Variants in NECAB2 observed in about 807,000 individuals in gnomAD.
The protein encoded by NECAB2 is N-terminal EF-hand calcium binding protein 2.
NECAB2 carries 68 observed loss-of-function variants against 51.9 expected under a neutral mutation model. The observed-to-expected ratio is 1.31, with a 90% CI of 1.08 to 1.60. The LOEUF (loss-of-function observed/expected upper bound fraction) is 1.60. Ranked by LOEUF, NECAB2 falls within the 40% of genes most tolerant of loss-of-function variation. The probability of loss-of-function intolerance (pLI) is 0.00; values close to 1 mark genes in which losing one functional copy is unlikely to be tolerated. For missense variants in NECAB2, 854 were observed against 490.3 expected (o/e 1.74, Z -7.00); for synonymous variants, 329 against 203.5 (o/e 1.62, Z -5.25).
intron 9 of NECAB2, 26 bp from the exon 10 acceptor site, chr16:83,998,177 CCA>C (rs752924743): frequency 6.3e-7 from 1 of 1,597,828 alleles, no homozygotes; most frequent in Non-Finnish European, 8.5e-7. Context: ...ACGTGGAGCC[CCA>C]CACTGACTCC....
chr16:83,972,921 A>G (rs1441624915), intron 2 of NECAB2, among the ~76,000 whole-genome samples: 1 of 152,188 alleles, frequency 6.6e-6, no homozygotes, highest in African/African-American at 2.4e-5. Context: ...CAGAATCATT[A>G]TTACAGTTGC....
chr16:83,974,948 G>A (rs955807590), intron 2 of NECAB2, among the ~76,000 whole-genome samples: 3 of 142,734 alleles, frequency 2.1e-5, no homozygotes, highest in Non-Finnish European at 3.0e-5. Context: ...GCAGGGAGGT[G>A]TGGGTGCAGG....
At chr16:83,977,346 C>A (rs1176348194) in intron 2 of NECAB2, among the ~76,000 whole-genome samples, 1 of 152,084 alleles carries the variant, frequency 6.6e-6, no homozygotes, top group Non-Finnish European at 1.5e-5. Flanking sequence ...AGCTTGCTGG[C>A]ATTTGCTCAG....
chr16:83,972,496 G>C (rs777908355), intron 2 of NECAB2, among the ~76,000 whole-genome samples: 2 of 152,244 alleles, frequency 1.3e-5, no homozygotes, highest in Non-Finnish European at 2.9e-5. Context: ...GGCTGGACCA[G>C]AGGAGCCCGG....
In NECAB2 at chr16:83,976,057, C is replaced by T. The variant is rs149100018; in HGVS notation, c.227-2387C>T. ...GGGCACCTTGCTGGTCTCTGGCTGC[C>T]TGCTCTCCCTGTGTGCAGAGGGGGC... On this transcript the variant is annotated intron_variant, in intron 2 of 12. Coordinates refer to ENST00000305202, the MANE Select transcript of NECAB2 (RefSeq NM_019065.3). Among the ~76,000 whole-genome samples, 1,245 of 152,286 alleles carry T rather than the reference C, an allele frequency of 8.2e-3. 8 individuals are homozygous for T. The highest frequency in any genetic ancestry group is 0.013 in the Non-Finnish European group (906 of 68,012).
chr16:83,998,462 C>T (rs1334905367), intron 10 of NECAB2, 145 bp downstream of exon 10: 44 of 738,660 alleles, frequency 6.0e-5, no homozygotes, highest in Admixed American at 1.9e-4. Context: ...GAAGTGGGTT[C>T]AGGTCTCTAC....
Position 83,974,618 on chromosome 16 carries a change from C to T in NECAB2, c.226+2443C>T, listed in dbSNP as rs115396814. Among the ~76,000 whole-genome samples, 1,233 of 152,314 alleles carry T rather than the reference C, an allele frequency of 8.1e-3. 14 individuals carry two copies. The highest frequency in any genetic ancestry group is 0.028 in the African/African-American group (1,176 of 41,554). ...GAGACAAGAAGTATCAACCCCCACC[C>T]TCCTTCCAGATGACGAAAACAAGGC... On this transcript the variant is annotated intron_variant, in intron 2 of 12. Coordinates refer to ENST00000305202, the MANE Select transcript of NECAB2 (RefSeq NM_019065.3).
At chr16:83,985,656 G>T (rs996417651) in intron 5 of NECAB2, among the ~76,000 whole-genome samples, 1 of 151,456 alleles carries the variant, frequency 6.6e-6, no homozygotes, top group African/African-American at 2.4e-5. Context: ...AAAAATTACT[G>T]TTGGCGTTCC....
At chr16:83,973,061 G>C (rs892854742) in intron 2 of NECAB2, among the ~76,000 whole-genome samples, 1 of 152,190 alleles carries the variant, frequency 6.6e-6, no homozygotes, top group African/African-American at 2.4e-5. Flanking sequence ...CCAGAGAGGC[G>C]GTGTGGGTGA....
chr16:83,981,249 C>T (rs1333066627), intron 5 of NECAB2, 122 bp downstream of exon 5: 1 of 828,384 alleles, frequency 1.2e-6, no homozygotes, highest in Non-Finnish European at 2.0e-6. Context: ...CAGGGGTGGG[C>T]TTTGCCTGGG....
chr16:83,974,603 G>T (rs1440586183), intron 2 of NECAB2, among the ~76,000 whole-genome samples: 1 of 152,176 alleles, frequency 6.6e-6, no homozygotes, highest in African/African-American at 2.4e-5. Context: ...GAGACAAGAA[G>T]TATCAACCCC....
intron 5 of NECAB2, among the ~76,000 whole-genome samples, chr16:83,982,505 G>T (rs1039300921): frequency 6.6e-6 from 1 of 152,208 alleles, no homozygotes; most frequent in Non-Finnish European, 1.5e-5. Context: ...GGCAATGCCA[G>T]CTCTGCTCCA....
intron 11 of NECAB2, among the ~76,000 whole-genome samples, chr16:84,001,351 G>A (rs970406350): frequency 2.0e-5 from 3 of 152,124 alleles, no homozygotes; most frequent in Admixed American, 6.5e-5. Flanking sequence ...GGTAGCCCAT[G>A]CCCCCATCTC....
At chr16:83,992,080 G>C (rs905748714) in intron 6 of NECAB2, among the ~76,000 whole-genome samples, 1 of 152,164 alleles carries the variant, frequency 6.6e-6, no homozygotes, top group Non-Finnish European at 1.5e-5. Flanking sequence ...GATCCAGCTT[G>C]AATCCTGAGG....
chr16:83,978,593 G>T, intron 3 of NECAB2, 41 bp downstream of exon 3: 1 of 1,523,494 alleles, frequency 6.6e-7, no homozygotes, highest in African/African-American at 1.4e-5. Flanking sequence ...GGTGTGTGTG[G>T]GCTGTGGTGG....
At chr16:83,990,112 G>A (rs957318319) in intron 5 of NECAB2, among the ~76,000 whole-genome samples, 2 of 152,172 alleles carry the variant, frequency 1.3e-5, no homozygotes, top group East Asian at 1.9e-4. Flanking sequence ...CACCATCACC[G>A]TCATCTATAT....
chr16:83,998,126 A>C, intron 9 of NECAB2, 79 bp from the exon 10 acceptor site: 2 of 1,240,676 alleles, frequency 1.6e-6, no homozygotes, highest in Non-Finnish European at 2.3e-6. Flanking sequence ...CGAGGAAGGG[A>C]GGTCATGGGG....
intron 12 of NECAB2, 91 bp from the exon 13 acceptor site, chr16:84,002,227 T>TC (rs202197411): frequency 1.5e-5 from 22 of 1,489,162 alleles, no homozygotes; most frequent in Non-Finnish European, 2.1e-5. Context: ...CTCAAAGCCA[T>TC]CCCCCGACCT....
At position 83,981,236 on chromosome 16, in the gene NECAB2, T is replaced by C. The variant is rs184336652; in HGVS notation, c.459+109T>C. The C allele has an allele frequency of 3.5e-4, 336 of 968,522 alleles. No homozygotes were observed. In the African/African-American group the frequency reaches 5.0e-3, roughly 15 times the overall value. 60.0% of individuals were successfully genotyped at this position (968,522 alleles called of 1,614,324 possible). A position where few individuals can be genotyped will look rare whatever the true frequency, so the allele number is the denominator to read the frequency against. On this transcript the variant is annotated intron_variant, in intron 5 of 12. Coordinates refer to ENST00000305202, the MANE Select transcript of NECAB2 (RefSeq NM_019065.3). The stretch of plus-strand genomic sequence containing the variant: ...GAAGACAGGCCGCCAGGGAGGCCTA[T>C]CTCAGGGGTGGGCTTTGCCTGGGCC...
Sources: gnomAD v4.1 joint callset for allele counts (sites outside exome capture counted in the v4.1 genomes callset) on GRCh38, gnomAD v4.1.1 for gene constraint, MANE v1.5 for transcripts, NCBI Gene and HGNC (gene_info 2026-07-23, HGNC 2026-07-21) for gene names.